The following GRIA4 variants were observed in gnomAD, a reference collection of about 807,000 sequenced individuals.
The protein encoded by GRIA4 is glutamate ionotropic receptor AMPA type subunit 4.
GRIA4 carries 34 observed loss-of-function variants against 104.0 expected under a neutral mutation model. That is an observed-to-expected ratio of 0.33 (90% CI 0.25 to 0.44). GRIA4 has a LOEUF of 0.44. Ranked by LOEUF, GRIA4 falls within the 20% of genes least tolerant of loss-of-function variation. The pLI is 1.00. For synonymous variants in GRIA4, 386 were observed against 381.9 expected (o/e 1.01, Z -0.13); for missense variants, 750 against 1,096.5 (o/e 0.68, Z 4.46).
rs1948239690 is a variant in GRIA4, at chr11:105,943,813, AT to A, written c.2294+9848del. ...AAAATACAGTTTACTTTTTCCCCCC[AT>A]TTTAAGCACAGCTTTACCATCTCTG... is the stretch of plus-strand genomic sequence containing the variant. On this transcript the variant is annotated intron_variant, in intron 14 of 16. Coordinates refer to ENST00000282499, the MANE Select transcript of GRIA4 (RefSeq NM_000829.4). Among the ~76,000 whole-genome samples, 3 of 152,124 alleles carry A rather than the reference AT, an allele frequency of 2.0e-5. No homozygotes were observed. The South Asian group carries it at 6.2e-4, about 32-fold the overall frequency.
At chr11:105,887,684 T>G (rs1946315290) in intron 6 of GRIA4, 112 bp downstream of exon 6, 3 of 622,020 alleles carry the variant, frequency 4.8e-6, no homozygotes, top group South Asian at 4.0e-5. Context: ...TTACTAAGCT[T>G]TTAATAACAC....
chr11:105,799,168 T>C (rs1290113838), intron 4 of GRIA4, among the ~76,000 whole-genome samples: 1 of 152,084 alleles, frequency 6.6e-6, no homozygotes, highest in African/African-American at 2.4e-5. Flanking sequence ...TGAGTATGTT[T>C]AGATGCCAAG....
intron 5 of GRIA4, among the ~76,000 whole-genome samples, chr11:105,863,396 A>ATG (rs1421746740): frequency 6.6e-6 from 1 of 151,582 alleles, no homozygotes; most frequent in Admixed American, 6.6e-5. Context: ...AGCTAAATAT[A>ATG]TATATATATA....
At chr11:105,969,692 A>G (rs1468201683) in intron 14 of GRIA4, among the ~76,000 whole-genome samples, 2 of 152,146 alleles carry the variant, frequency 1.3e-5, no homozygotes, top group African/African-American at 4.8e-5. Context: ...GAACTGAAAT[A>G]TAGGATAATA....
intron 4 of GRIA4, among the ~76,000 whole-genome samples, chr11:105,783,659 A>G (rs1460598659): frequency 6.6e-6 from 1 of 152,170 alleles, no homozygotes; most frequent in Non-Finnish European, 1.5e-5. Context: ...ACTCACAGAC[A>G]GTATTAAAAC....
rs191319484 is a variant in GRIA4 at position 105,955,416 on chromosome 11, T to C, written c.2295-16498T>C. Among the ~76,000 whole-genome samples, 49 of 152,304 alleles carry C rather than the reference T, an allele frequency of 3.2e-4. 1 individual carries two copies. The East Asian group carries it at 9.3e-3, about 29-fold the overall frequency. On this transcript the variant is annotated intron_variant, in intron 14 of 16. Transcript: ENST00000282499. Reference sequence around the variant, plus strand: ...GTGTTAGTTTGATCAGGATGATGGCTTCCAGCTTCATCCATGTCCCTGCAA... The same window carrying C: ...GTGTTAGTTTGATCAGGATGATGGCCTCCAGCTTCATCCATGTCCCTGCAA...
At position 105,950,791 on chromosome 11, in the gene GRIA4, C is replaced by A. The variant is rs537941379; in HGVS notation, c.2294+16822C>A. On this transcript the variant is annotated intron_variant, in intron 14 of 16. Transcript: ENST00000282499. Reference sequence around the variant, plus strand: ...CTTACAATGGCTTCCAAAACTTAATCAGGCATAGACCCTACCAAGCCTGAC... The same window carrying A: ...CTTACAATGGCTTCCAAAACTTAATAAGGCATAGACCCTACCAAGCCTGAC... Among the ~76,000 whole-genome samples the A allele has an allele frequency of 8.7e-4, 132 of 152,212 alleles. 1 individual carries two copies. The highest frequency in any genetic ancestry group is 3.0e-3 in the African/African-American group (123 of 41,532).
intron 4 of GRIA4, among the ~76,000 whole-genome samples, chr11:105,804,036 G>T (rs1438615244): frequency 6.6e-6 from 1 of 151,666 alleles, no homozygotes; most frequent in Non-Finnish European, 1.5e-5. Flanking sequence ...CTGTTCATTT[G>T]CTATATATGA....
At chr11:105,925,821 T>G (rs1183400070) in intron 12 of GRIA4, among the ~76,000 whole-genome samples, 2 of 152,142 alleles carry the variant, frequency 1.3e-5, no homozygotes, top group Non-Finnish European at 2.9e-5. Context: ...GGAAATGCTA[T>G]GAAAAATATG....
chr11:105,926,771 T>C lies in GRIA4; in HGVS notation c.1878T>C (p.Val626=). ...RSLSGRIVGG[V]WWFFTLIIIS... ...TCTCAGGTCGAATTGTTGGAGGTGT[T>C]TGGTGGTTCTTTACACTCATCATTA... Residue 626 remains valine (V), a synonymous_variant, in exon 13 of 17, where the codon GTT becomes GTC. Coordinates refer to ENST00000282499, the MANE Select transcript of GRIA4 (RefSeq NM_000829.4). 6.2e-7 allele frequency: 1 copy of C among 1,609,892 alleles called. No homozygotes were observed. Among genetic ancestry groups the C allele is most frequent in the Non-Finnish European group, 8.5e-7 (1 of 1,176,452 alleles).
chr11:105,975,357 T>G (rs1489990727), intron 16 of GRIA4, among the ~76,000 whole-genome samples: 1 of 152,100 alleles, frequency 6.6e-6, no homozygotes, highest in Non-Finnish European at 1.5e-5. Context: ...ACAAACTATT[T>G]TTTTTTTCAT....
At chr11:105,811,003 G>T (rs1467505994) in intron 4 of GRIA4, among the ~76,000 whole-genome samples, 1 of 152,102 alleles carries the variant, frequency 6.6e-6, no homozygotes, top group African/African-American at 2.4e-5. Context: ...CCTTATTGTA[G>T]TGCTACAATT....
At chr11:105,962,201 G>A (rs503938) in intron 14 of GRIA4, among the ~76,000 whole-genome samples, 152,130 of 152,332 alleles carry the variant, frequency 1, 75,964 homozygotes, top group Middle Eastern at 1. Context: ...AAATATGAGT[G>A]AGGCATAAAA....
intron 3 of GRIA4, among the ~76,000 whole-genome samples, chr11:105,624,633 C>A (rs1950839788): frequency 6.6e-6 from 1 of 152,014 alleles, no homozygotes; most frequent in South Asian, 2.1e-4. Context: ...ACTATGTATA[C>A]AGTCTTACCT....
intron 5 of GRIA4, among the ~76,000 whole-genome samples, chr11:105,881,542 G>T (rs1946059687): frequency 6.6e-6 from 1 of 152,124 alleles, no homozygotes; most frequent in African/African-American, 2.4e-5. Context: ...GTCAGACTTT[G>T]CTAGGAACTT....
intron 14 of GRIA4, among the ~76,000 whole-genome samples, chr11:105,939,213 A>G (rs2136221467): frequency 6.6e-6 from 1 of 152,304 alleles, no homozygotes; most frequent in Admixed American, 6.5e-5. Context: ...TAAGTCGTTC[A>G]TTCTTGAGAT....
Position 105,926,905 on chromosome 11 carries a change from C to T in GRIA4, c.2012C>T (p.Thr671Ile). The T allele has an allele frequency of 6.2e-7, 1 of 1,611,158 alleles. No individual in the cohort carries two copies. ...LAKQTEIAYGTLDSGSTKEFF... is the reference protein window; with the variant it reads ...LAKQTEIAYGILDSGSTKEFF... ...AAACAAACAGAAATTGCCTATGGAA[C>T]ACTGGATTCAGGATCAACAAAAGAA... The change falls in exon 13 of 17, where the codon ACA (threonine) becomes ATA (isoleucine). Residue 671 changes from threonine to isoleucine, a missense_variant. Physicochemically the swap from Thr to Ile is moderately conservative, Grantham distance 89. Around this residue, in one of 3 missense-constraint regions of GRIA4, gnomAD observed 272 missense variants for 524.5 expected, o/e 0.52. Coordinates refer to ENST00000282499, the MANE Select transcript of GRIA4 (RefSeq NM_000829.4).
At chr11:105,945,374 A>T (rs1369771163) in intron 14 of GRIA4, 1 of 194,294 alleles carries the variant, frequency 5.1e-6, no homozygotes, top group Admixed American at 6.5e-5. Flanking sequence ...GTCTTGTGAG[A>T]CCTGAGGAAA....
intron 4 of GRIA4, among the ~76,000 whole-genome samples, chr11:105,756,913 A>T (rs907877157): frequency 6.6e-6 from 1 of 152,122 alleles, no homozygotes; most frequent in Non-Finnish European, 1.5e-5. Context: ...CCAGCAGGAG[A>T]AGGAGAACAG....
Sources: gnomAD v4.1 joint callset for allele counts (sites outside exome capture counted in the v4.1 genomes callset) on GRCh38, gnomAD v4.1.1 for gene constraint, gnomAD v4.1.1 regional missense constraint, MANE v1.5 for transcripts, NCBI Gene and HGNC (gene_info 2026-07-23, HGNC 2026-07-21) for gene names.